RAB3C: variants seen among roughly 807,000 people sequenced by gnomAD.
RAB3C encodes ras-related protein Rab-3C.
A neutral mutation model predicts 26.4 loss-of-function variants in RAB3C; 17 were observed. The observed-to-expected ratio is 0.64, with a 90% CI of 0.44 to 0.97. The LOEUF (loss-of-function observed/expected upper bound fraction) is 0.97. Among genes scored for constraint, RAB3C ranks in the 50% least tolerant of loss-of-function variants. RAB3C has a pLI of 0.00. For missense variants in RAB3C, 242 were observed against 281.9 expected (o/e 0.86, Z 1.01); for synonymous variants, 91 against 95.9 (o/e 0.95, Z 0.30).
intron 3 of RAB3C, among the ~76,000 whole-genome samples, chr5:58,772,150 G>A (rs16888581): frequency 0.015 from 2,221 of 152,200 alleles, 50 homozygotes; most frequent in African/African-American, 0.05. Context: ...GGGCTAATGC[G>A]ACATGGATGT....
chr5:58,612,728 G>C (rs1480585569), intron 1 of RAB3C, among the ~76,000 whole-genome samples: 1 of 151,674 alleles, frequency 6.6e-6, no homozygotes, highest in Non-Finnish European at 1.5e-5. Context: ...TTTGGGCCAA[G>C]GCTACGGGGT....
At chr5:58,715,464 A>G (rs293022) in intron 2 of RAB3C, among the ~76,000 whole-genome samples, 51,254 of 147,250 alleles carry the variant, frequency 0.35, 9,520 homozygotes, top group Non-Finnish European at 0.42. Flanking sequence ...AAGGAAGAAG[A>G]AGAAGAATCT....
chr5:58,690,509 G>T (rs1682299462), intron 2 of RAB3C, among the ~76,000 whole-genome samples: 1 of 152,132 alleles, frequency 6.6e-6, no homozygotes, highest in South Asian at 2.1e-4. Flanking sequence ...AGTGTTGGCT[G>T]CAATAACCTA....
intron 1 of RAB3C, among the ~76,000 whole-genome samples, chr5:58,593,592 A>G (rs1746183358): frequency 6.6e-6 from 1 of 152,130 alleles, no homozygotes; most frequent in African/African-American, 2.4e-5. Flanking sequence ...ACTTTTTGAA[A>G]TTTTAACAAG....
chr5:58,833,355 CACACACAT>C (rs1369692864), intron 4 of RAB3C, among the ~76,000 whole-genome samples: 3 of 151,942 alleles, frequency 2.0e-5, no homozygotes, highest in Non-Finnish European at 4.4e-5. Context: ...CACACACACA[CACACACAT>C]ATTAAGTAAA....
At chr5:58,822,684 T>C (rs983825091) in intron 3 of RAB3C, 4 of 424,342 alleles carry the variant, frequency 9.4e-6, no homozygotes, top group Admixed American at 8.4e-5. Flanking sequence ...GAGATATGAT[T>C]TGTCAGATTA....
At chr5:58,656,495 T>C (rs1265724207) in intron 2 of RAB3C, among the ~76,000 whole-genome samples, 1 of 152,180 alleles carries the variant, frequency 6.6e-6, no homozygotes, top group Non-Finnish European at 1.5e-5. Flanking sequence ...TGTACATTTG[T>C]ATCTGGCAAT....
chr5:58,812,929 A>G (rs1743122135), intron 3 of RAB3C, among the ~76,000 whole-genome samples: 1 of 152,152 alleles, frequency 6.6e-6, no homozygotes, highest in South Asian at 2.1e-4. Context: ...CCTCTCATAG[A>G]AGAGGAAGCA....
chr5:58,627,532 T>C (rs1747086131), intron 2 of RAB3C, among the ~76,000 whole-genome samples: 1 of 140,912 alleles, frequency 7.1e-6, no homozygotes. Context: ...CAGCTTAAAT[T>C]CGGTGCAAAT....
At chr5:58,795,512 T>C (rs2112019474) in intron 3 of RAB3C, among the ~76,000 whole-genome samples, 1 of 152,284 alleles carries the variant, frequency 6.6e-6, no homozygotes, top group South Asian at 2.1e-4. Context: ...AACCAAAAGT[T>C]TTCTTAACTA....
intron 2 of RAB3C, among the ~76,000 whole-genome samples, chr5:58,703,490 TC>T (rs1489116148): frequency 6.6e-6 from 1 of 152,210 alleles, no homozygotes; most frequent in Non-Finnish European, 1.5e-5. Context: ...CCATGTTTAT[TC>T]TTTTGTAATC....
At position 58,809,599 on chromosome 5, in the gene RAB3C, C is replaced by G. The variant is rs184683967; in HGVS notation, c.372-15439C>G. 2.0e-4 allele frequency among the ~76,000 whole-genome samples: 30 copies of G among 152,288 alleles called. 1 individual carries two copies. Among genetic ancestry groups the G allele is most frequent in the Middle Eastern group, 3.4e-3 (1 of 294 alleles). ...TGTGTCCCCACCCATCAAGTTCACA[C>G]GTTGAAGCCCCAGTACCCAATGTGA... On this transcript the variant is annotated intron_variant, in intron 3 of 4. Coordinates refer to ENST00000282878, the MANE Select transcript of RAB3C (RefSeq NM_138453.4).
At chr5:58,738,192 C>T (rs1418354274) in intron 3 of RAB3C, among the ~76,000 whole-genome samples, 1 of 151,996 alleles carries the variant, frequency 6.6e-6, no homozygotes, top group East Asian at 1.9e-4. Context: ...CCACTCATAC[C>T]TTCATTTGCT....
intron 3 of RAB3C, among the ~76,000 whole-genome samples, chr5:58,727,793 A>C (rs960110790): frequency 2.0e-5 from 3 of 151,992 alleles, no homozygotes; most frequent in African/African-American, 7.2e-5. Flanking sequence ...TTCCAAAAGA[A>C]CAAGATCTTA....
rs370018561 is a variant in RAB3C at position 58,713,116 on chromosome 5, C to A, written c.253-12886C>A. ...CTTTATTCTATGGCCAGTAGGAAGA[C>A]ATAGACTGTTTTTGAACAGGAGTGA... is the stretch of plus-strand genomic sequence containing the variant. On this transcript the variant is annotated intron_variant, in intron 2 of 4. Transcript: ENST00000282878. 3.3e-5 allele frequency among the ~76,000 whole-genome samples: 5 copies of A among 152,136 alleles called. No individual in the cohort carries two copies. The East Asian group carries it at 9.7e-4, about 29-fold the overall frequency.
intron 2 of RAB3C, among the ~76,000 whole-genome samples, chr5:58,618,547 A>G (rs1746871950): frequency 6.6e-6 from 1 of 152,188 alleles, no homozygotes; most frequent in African/African-American, 2.4e-5. Context: ...TACCTCCAGA[A>G]GAAGATCAGA....
chr5:58,847,984 G>T (rs545496611), intron 4 of RAB3C, among the ~76,000 whole-genome samples: 1 of 152,224 alleles, frequency 6.6e-6, no homozygotes, highest in South Asian at 2.1e-4. Context: ...AGCCTCCTGA[G>T]TAGCTGGGAC....
At chr5:58,768,531 G>A (rs920787831) in intron 3 of RAB3C, among the ~76,000 whole-genome samples, 13 of 152,050 alleles carry the variant, frequency 8.5e-5, no homozygotes, top group African/African-American at 2.9e-4. Context: ...AAGAAAATAA[G>A]GCTGAATAAA....
intron 2 of RAB3C, among the ~76,000 whole-genome samples, chr5:58,719,169 T>C (rs1278829914): frequency 6.6e-6 from 1 of 152,044 alleles, no homozygotes; most frequent in Non-Finnish European, 1.5e-5. Context: ...GAAACTAATA[T>C]ATATTTTTTG....
Sources: gnomAD v4.1 joint callset for allele counts (sites outside exome capture counted in the v4.1 genomes callset) on GRCh38, gnomAD v4.1.1 for gene constraint, MANE v1.5 for transcripts, NCBI Gene and HGNC (gene_info 2026-07-23, HGNC 2026-07-21) for gene names.